Variants in LRRC8D observed in about 807,000 individuals in gnomAD.
LRRC8D encodes volume-regulated anion channel subunit LRRC8D.
A neutral mutation model predicts 55.8 loss-of-function variants in LRRC8D; 20 were observed. The observed-to-expected ratio is 0.36, with a 90% CI of 0.25 to 0.52. The LOEUF (loss-of-function observed/expected upper bound fraction) is 0.52, where lower values mean the gene tolerates loss of function less well. LRRC8D is among the 20% of genes least tolerant of loss of function. The probability of loss-of-function intolerance (pLI) is 0.93; values close to 1 mark genes in which losing one functional copy is unlikely to be tolerated. For synonymous variants in LRRC8D, 352 were observed against 377.0 expected (o/e 0.93, Z 0.77); for missense variants, 651 against 1,030.8 (o/e 0.63, Z 5.05).
chr1:89,890,303 T>C (rs889120018), intron 2 of LRRC8D, among the ~76,000 whole-genome samples: 2 of 152,232 alleles, frequency 1.3e-5, no homozygotes, highest in Non-Finnish European at 1.5e-5. Flanking sequence ...AAAGTGTTGA[T>C]TGATGCTCTT....
At chr1:89,845,444 C>A (rs780290508) in intron 2 of LRRC8D, among the ~76,000 whole-genome samples, 1 of 152,110 alleles carries the variant, frequency 6.6e-6, no homozygotes, top group Non-Finnish European at 1.5e-5. Context: ...GAGAGAGATT[C>A]TTTTTATTTT....
chr1:89,921,300 T>C (rs1346899300), intron 2 of LRRC8D, among the ~76,000 whole-genome samples: 4 of 152,198 alleles, frequency 2.6e-5, no homozygotes, highest in African/African-American at 9.6e-5. Context: ...ATCACGCCAC[T>C]GCACTCTAGC....
intron 2 of LRRC8D, among the ~76,000 whole-genome samples, chr1:89,877,672 C>T (rs1662180735): frequency 6.6e-6 from 1 of 152,140 alleles, no homozygotes; most frequent in South Asian, 2.1e-4. Context: ...GGTGGTTCAC[C>T]TCCTTCCACG....
intron 2 of LRRC8D, among the ~76,000 whole-genome samples, chr1:89,851,358 C>A (rs1488936768): frequency 6.6e-6 from 1 of 152,140 alleles, no homozygotes; most frequent in Non-Finnish European, 1.5e-5. Flanking sequence ...TGATTTTCTC[C>A]AAGTTTACTT....
chr1:89,893,273 C>T (rs143111691), intron 2 of LRRC8D, among the ~76,000 whole-genome samples: 22 of 152,194 alleles, frequency 1.4e-4, no homozygotes, highest in East Asian at 1.3e-3. Context: ...GGGATGAGCA[C>T]GTGCAGAGGT....
At chr1:89,860,957 T>C (rs528395396) in intron 2 of LRRC8D, among the ~76,000 whole-genome samples, 3 of 151,684 alleles carry the variant, frequency 2.0e-5, no homozygotes, top group Non-Finnish European at 4.4e-5. Flanking sequence ...GGGATAAAGA[T>C]AGGTAGAAGT....
At chr1:89,848,391 G>C (rs1661331090) in intron 2 of LRRC8D, among the ~76,000 whole-genome samples, 1 of 152,058 alleles carries the variant, frequency 6.6e-6, no homozygotes, top group African/African-American at 2.4e-5. Context: ...GTAAGTTTAA[G>C]GAAAGGGAGA....
chr1:89,870,154 A>G (rs963421906), intron 2 of LRRC8D, among the ~76,000 whole-genome samples: 3 of 151,892 alleles, frequency 2.0e-5, no homozygotes, highest in Non-Finnish European at 2.9e-5. Context: ...TATCCAGCCA[A>G]AGTAAGCTGC....
At chr1:89,881,530 C>T (rs1163908108) in intron 2 of LRRC8D, among the ~76,000 whole-genome samples, 1 of 152,012 alleles carries the variant, frequency 6.6e-6, no homozygotes, top group Non-Finnish European at 1.5e-5. Flanking sequence ...GGTACAGTTG[C>T]AGAGTAGGTG....
intron 1 of LRRC8D, among the ~76,000 whole-genome samples, chr1:89,838,903 T>A (rs1661066607): frequency 6.6e-6 from 1 of 152,242 alleles, no homozygotes; most frequent in Non-Finnish European, 1.5e-5. Flanking sequence ...TCAGTTGACC[T>A]ATTACAAAAT....
intron 2 of LRRC8D, among the ~76,000 whole-genome samples, chr1:89,924,391 G>C (rs941663057): frequency 2.6e-5 from 4 of 152,124 alleles, no homozygotes; most frequent in African/African-American, 9.7e-5. Context: ...CACCAGAATG[G>C]CTATTATTAA....
intron 2 of LRRC8D, among the ~76,000 whole-genome samples, chr1:89,920,191 A>G (rs1007783984): frequency 1.3e-5 from 2 of 152,232 alleles, no homozygotes; most frequent in African/African-American, 4.8e-5. Flanking sequence ...CTTTAGACCT[A>G]TTAACATATT....
chr1:89,879,106 A>G (rs1342693909), intron 2 of LRRC8D, among the ~76,000 whole-genome samples: 1 of 151,942 alleles, frequency 6.6e-6, no homozygotes, highest in Admixed American at 6.5e-5. Context: ...TCCCTGCTGC[A>G]TTTGTCCGCT....
chr1:89,865,330 TTA>T (rs34852331), intron 2 of LRRC8D, among the ~76,000 whole-genome samples: 32,925 of 138,954 alleles, frequency 0.24, 3,681 homozygotes, highest in Middle Eastern at 0.26. Flanking sequence ...AAACATGAAA[TTA>T]TATATATATA....
At chr1:89,862,676 G>A (rs879475032) in intron 2 of LRRC8D, among the ~76,000 whole-genome samples, 2 of 152,168 alleles carry the variant, frequency 1.3e-5, no homozygotes, top group Non-Finnish European at 2.9e-5. Context: ...TAAACAACTT[G>A]TTCCAGGTTA....
At position 89,933,485 on chromosome 1, in the gene LRRC8D, A is replaced by T; in HGVS notation, c.417A>T (p.Thr139=). The T allele has an allele frequency of 6.2e-7, 1 of 1,614,194 alleles. No homozygotes were observed. The highest frequency in any genetic ancestry group is 8.5e-7 in the Non-Finnish European group (1 of 1,180,040). The change falls in exon 3 of 3, where the codon ACA becomes ACT. Residue 139 remains threonine (T), a synonymous_variant. Transcript: ENST00000337338. The surrounding 1 kb of genome is among the most constrained non-coding windows in gnomAD (Gnocchi z 7.0). The part of the protein sequence containing the change: ...KEKKDPTGRK[T]NLDFQQYVFI... ...AGAAAGATCCAACAGGTCGAAAAAC[A>T]AACTTGGATTTTCAGCAATATGTAT...
chr1:89,920,580 C>A (rs959367138), intron 2 of LRRC8D, among the ~76,000 whole-genome samples: 1 of 151,424 alleles, frequency 6.6e-6, no homozygotes, highest in African/African-American at 2.4e-5. Context: ...GGGAGTGACA[C>A]CAGTGACTTA....
chr1:89,846,076 G>A (rs1198724117), intron 2 of LRRC8D, among the ~76,000 whole-genome samples: 1 of 152,158 alleles, frequency 6.6e-6, no homozygotes, highest in Non-Finnish European at 1.5e-5. Flanking sequence ...ACTGCACCCA[G>A]CCACTGCCTC....
intron 2 of LRRC8D, among the ~76,000 whole-genome samples, chr1:89,881,659 A>G (rs924834166): frequency 4.6e-5 from 7 of 152,170 alleles, no homozygotes; most frequent in African/African-American, 1.7e-4. Context: ...GGCAAGTGGA[A>G]GGGAGAACCT....
Sources: gnomAD v4.1 joint callset for allele counts (sites outside exome capture counted in the v4.1 genomes callset) on GRCh38, gnomAD v4.1.1 for gene constraint, Gnocchi (gnomAD v3.1) non-coding constraint, MANE v1.5 for transcripts, NCBI Gene and HGNC (gene_info 2026-07-23, HGNC 2026-07-21) for gene names.